SMC1B: variants seen among roughly 807,000 people sequenced by gnomAD.
SMC1B encodes the protein structural maintenance of chromosomes 1B, also known as structural maintenance of chromosomes protein 1B.
In SMC1B, 60 loss-of-function variants were observed where a neutral mutation model predicts 157.9. The ratio of observed to expected loss-of-function variants is 0.38; its 90% CI spans 0.31 to 0.47. The LOEUF is 0.47. SMC1B is among the 20% of genes least tolerant of loss of function. SMC1B has a pLI of 0.99. For missense variants in SMC1B, 1,165 were observed against 1,426.2 expected, an observed-to-expected ratio of 0.82 and a Z score of 2.95; for synonymous variants, 445 against 483.0, an observed-to-expected ratio of 0.92 and a Z score of 1.03.
At chr22:45,359,731 A>G (rs2063121524) in intron 18 of SMC1B, 74 bp downstream of exon 18, 1 of 1,494,568 alleles carries the variant, frequency 6.7e-7, no homozygotes, top group African/African-American at 1.4e-5. Flanking sequence ...ACAGAACAAG[A>G]GAAAGAATAA....
Position 45,399,372 on chromosome 22 carries a change from T to C in SMC1B, c.855-19A>G. On this transcript the variant is annotated intron_variant, in intron 5 of 24. Coordinates refer to ENST00000357450, the MANE Select transcript of SMC1B (RefSeq NM_148674.5). Reference sequence around the variant, plus strand: ...AACCGATCTGAAAAGGGAAAAATGTTTGCTTTAAAGAAAATTTCATTTCTT... The same window carrying C: ...AACCGATCTGAAAAGGGAAAAATGTCTGCTTTAAAGAAAATTTCATTTCTT... The C allele has an allele frequency of 6.4e-7, 1 of 1,571,216 alleles. No homozygotes were observed. The highest frequency in any genetic ancestry group is 8.6e-7 in the Non-Finnish European group (1 of 1,165,846).
At chr22:45,360,687 A>G (rs2086713086) in intron 17 of SMC1B, among the ~76,000 whole-genome samples, 2 of 152,176 alleles carry the variant, frequency 1.3e-5, no homozygotes, top group South Asian at 4.1e-4. Flanking sequence ...AAAAAACAAG[A>G]GTTTTAAAAA....
intron 9 of SMC1B, among the ~76,000 whole-genome samples, chr22:45,391,705 TA>T (rs1441232622): frequency 6.6e-6 from 1 of 152,192 alleles, no homozygotes; most frequent in Admixed American, 6.5e-5. Context: ...GATTGGATGG[TA>T]GGGGCAAGTG....
At chr22:45,354,366 G>GTATGTATA (rs2086648998) in intron 20 of SMC1B, among the ~76,000 whole-genome samples, 1 of 151,246 alleles carries the variant, frequency 6.6e-6, no homozygotes, top group Admixed American at 6.6e-5. Context: ...GATAGGGTAT[G>GTATGTATA]TATGTATGTA....
chr22:45,364,703 G>A (rs553384718), intron 15 of SMC1B, among the ~76,000 whole-genome samples: 34 of 152,226 alleles, frequency 2.2e-4, no homozygotes, highest in African/African-American at 7.9e-4. Flanking sequence ...GAAGTGGAAC[G>A]CTTCTTCACT....
chr22:45,350,917 G>T (rs1483910154), intron 22 of SMC1B, among the ~76,000 whole-genome samples: 5 of 152,194 alleles, frequency 3.3e-5, no homozygotes, highest in Non-Finnish European at 5.9e-5. Context: ...TGCCACTGCT[G>T]CATACAGTCT....
At chr22:45,362,819 G>A in intron 16 of SMC1B, 66 bp downstream of exon 16, 1 of 1,372,764 alleles carries the variant, frequency 7.3e-7, no homozygotes, top group Non-Finnish European at 1.0e-6. Context: ...GCGCACAAAA[G>A]GTTTACCACA....
intron 24 of SMC1B, 72 bp downstream of exon 24, chr22:45,345,387 G>A: frequency 1.2e-6 from 1 of 836,300 alleles, no homozygotes; most frequent in East Asian, 2.6e-5. Flanking sequence ...AATTAGGAAA[G>A]CCCAGTGGCT....
intron 19 of SMC1B, among the ~76,000 whole-genome samples, chr22:45,358,361 T>C (rs187765783): frequency 6.6e-6 from 1 of 152,344 alleles, no homozygotes; most frequent in African/African-American, 2.4e-5. Flanking sequence ...CCTGGACTTG[T>C]GATTGGTATC....
At chr22:45,356,527 G>A (rs1303565358) in intron 19 of SMC1B, among the ~76,000 whole-genome samples, 1 of 152,156 alleles carries the variant, frequency 6.6e-6, no homozygotes, top group African/African-American at 2.4e-5. Flanking sequence ...GATATTTAAA[G>A]GGGAAAAGCA....
chr22:45,358,712 T>G lies in SMC1B; in HGVS notation c.2946A>C (p.Leu982=). Residue 982 remains leucine, a synonymous_variant, in exon 19 of 25, where the codon CTA becomes CTC. Transcript: ENST00000357450. ...EEAFEIDYSS[L]KEDLKALQSD... The stretch of plus-strand genomic sequence containing the variant: ...TTTCCATTACCTTCAAATCCTCTTT[T>G]AGAGAGCTGTAGTCTATTTCAAAGG... 7 of 1,605,676 alleles carry G rather than the reference T, an allele frequency of 4.4e-6. No homozygotes were observed. Among genetic ancestry groups the G allele is most frequent in the Non-Finnish European group, 6.0e-6 (7 of 1,174,296 alleles).
chr22:45,405,759 G>A (rs1304603680), intron 4 of SMC1B, among the ~76,000 whole-genome samples: 1 of 152,142 alleles, frequency 6.6e-6, no homozygotes, highest in African/African-American at 2.4e-5. Context: ...CTTTTAGGGA[G>A]TCCCTGAAAA....
chr22:45,361,206 G>GC (rs891279664), intron 17 of SMC1B, among the ~76,000 whole-genome samples: 5 of 152,120 alleles, frequency 3.3e-5, no homozygotes, highest in African/African-American at 1.2e-4. Flanking sequence ...TACCCTCTGT[G>GC]CTATCTTGCA....
At chr22:45,406,414 A>T (rs2087260194) in intron 4 of SMC1B, 46 bp downstream of exon 4, 1 of 1,520,304 alleles carries the variant, frequency 6.6e-7, no homozygotes, top group African/African-American at 1.4e-5. Context: ...TAACATAGAA[A>T]GTTTTATATC....
chr22:45,392,103 C>G (rs1053210211), intron 9 of SMC1B, among the ~76,000 whole-genome samples: 1 of 152,138 alleles, frequency 6.6e-6, no homozygotes, highest in Non-Finnish European at 1.5e-5. Context: ...TGCACCACCA[C>G]GCCCAGCTAA....
At chr22:45,382,075 C>T (rs141504316) in intron 12 of SMC1B, among the ~76,000 whole-genome samples, 3 of 152,144 alleles carry the variant, frequency 2.0e-5, no homozygotes, top group Non-Finnish European at 4.4e-5. Flanking sequence ...AAAATAAATT[C>T]CAGATGAATA....
rs749343039 is a variant in SMC1B, at chr22:45,399,241, C to T, written c.967G>A (p.Glu323Lys). 8.7e-6 allele frequency: 14 copies of T among 1,614,024 alleles called. No homozygotes were observed. The highest frequency in any genetic ancestry group is 6.6e-5 in the South Asian group (6 of 91,084). The change falls in exon 6 of 25, where the codon GAA (glutamate) becomes AAA (lysine). Residue 323 changes from glutamate (E) to lysine (K), a missense_variant. Physicochemically the swap from Glu to Lys is moderately conservative, Grantham distance 56 (BLOSUM62 1). Coordinates refer to ENST00000357450, the MANE Select transcript of SMC1B (RefSeq NM_148674.5). ...DVAKKSIKDS[E>K]KQCSKQEDDI... is the part of the protein sequence containing the mutation. ...TCTTCCTGTTTAGAACATTGTTTTT[C>T]GCTGTCCTTTATTGATTTCTTAGCC...
intron 12 of SMC1B, among the ~76,000 whole-genome samples, chr22:45,376,463 T>G (rs1467463077): frequency 6.6e-6 from 1 of 152,208 alleles, no homozygotes; most frequent in Admixed American, 6.5e-5. Flanking sequence ...GCTTCTACCT[T>G]TTGGCTATTG....
At chr22:45,392,904 T>G (rs1299136222) in intron 9 of SMC1B, among the ~76,000 whole-genome samples, 1 of 152,174 alleles carries the variant, frequency 6.6e-6, no homozygotes, top group Non-Finnish European at 1.5e-5. Flanking sequence ...TTTCACCATG[T>G]TGGCCAGGCT....
Sources: gnomAD v4.1 joint callset for allele counts (sites outside exome capture counted in the v4.1 genomes callset) on GRCh38, gnomAD v4.1.1 for gene constraint, MANE v1.5 for transcripts, NCBI Gene and HGNC (gene_info 2026-07-23, HGNC 2026-07-21) for gene names.